Variants in TMEM131L observed in about 807,000 individuals in gnomAD.
The protein encoded by TMEM131L is transmembrane 131 like, also known as transmembrane protein 131-like.
Under a neutral mutation model 192.2 loss-of-function variants are expected in TMEM131L, and 54 were observed. The observed-to-expected ratio is 0.28, with a 90% CI of 0.23 to 0.35. The LOEUF is 0.35. Ranked by LOEUF, TMEM131L falls within the 10% of genes least tolerant of loss-of-function variation. TMEM131L has a pLI of 1.00. For synonymous variants in TMEM131L, 701 were observed against 704.9 expected (o/e 0.99, Z 0.09); for missense variants, 1,888 against 1,972.9 (o/e 0.96, Z 0.82).
At chr4:153,578,933 C>A (rs1288207131) in intron 7 of TMEM131L, among the ~76,000 whole-genome samples, 1 of 152,096 alleles carries the variant, frequency 6.6e-6, no homozygotes, top group East Asian at 1.9e-4. Context: ...GCTGGGATTA[C>A]AGGCATGAGC....
intron 7 of TMEM131L, among the ~76,000 whole-genome samples, chr4:153,574,936 A>G (rs1365625582): frequency 6.6e-6 from 1 of 152,190 alleles, no homozygotes; most frequent in South Asian, 2.1e-4. Context: ...CAAAATTGTG[A>G]AAGGGGAGAA....
chr4:153,521,154 A>G lies in TMEM131L; in HGVS notation c.240-28919A>G, dbSNP rs561457662. On this transcript the variant is annotated intron_variant, in intron 3 of 34. Transcript: ENST00000409959. ...TTGTTTCTGCATGTGTAGAATGGGG[A>G]TGATACTGACTCTTCTAGGCTTGTG... Among the ~76,000 whole-genome samples the G allele has an allele frequency of 2.0e-5, 3 of 152,102 alleles. No homozygotes were observed. The East Asian group carries it at 5.8e-4, about 29-fold the overall frequency.
At chr4:153,484,821 A>T (rs899506044) in intron 3 of TMEM131L, among the ~76,000 whole-genome samples, 1 of 137,476 alleles carries the variant, frequency 7.3e-6, no homozygotes, top group African/African-American at 2.7e-5. Flanking sequence ...TTTGGAAATT[A>T]AAAAAAAAAA....
chr4:153,621,601 A>G, intron 27 of TMEM131L, 82 bp from the exon 28 acceptor site: 2 of 1,419,520 alleles, frequency 1.4e-6, no homozygotes, highest in Non-Finnish European at 2.0e-6. Context: ...TTTCACCTCT[A>G]ATAAGTGTCA....
rs531620464 is a variant in TMEM131L at position 153,504,266 on chromosome 4, C to CTT, written c.239+30408_239+30409dup. Among the ~76,000 whole-genome samples, 30 of 42,632 alleles carry CTT rather than the reference C, an allele frequency of 7.0e-4. 5 individuals carry two copies. The highest frequency in any genetic ancestry group is 9.2e-4 in the Non-Finnish European group (20 of 21,812). The allele number at this position is 42,632 out of a possible 152,430, so 28.0% of individuals were successfully genotyped here. A position where few individuals can be genotyped will look rare whatever the true frequency, so the allele number is the denominator to read the frequency against. On this transcript the variant is annotated intron_variant, in intron 3 of 34. Coordinates refer to ENST00000409959, the MANE Select transcript of TMEM131L (RefSeq NM_001131007.2). Reference sequence around the variant, plus strand: ...ACGGGCGTGAGCCACCGCGGTCGGCCTTTTTTTTTTTTTTTTTTTTTTTTT... The same window carrying CTT: ...ACGGGCGTGAGCCACCGCGGTCGGCCTTTTTTTTTTTTTTTTTTTTTTTTTTT...
chr4:153,499,924 A>G (rs1460522550), intron 3 of TMEM131L, among the ~76,000 whole-genome samples: 3 of 151,854 alleles, frequency 2.0e-5, no homozygotes, highest in Non-Finnish European at 4.4e-5. Flanking sequence ...CAGTTATCAC[A>G]TCTCTTCTCT....
chr4:153,558,317 T>C lies in TMEM131L; in HGVS notation c.609T>C (p.Asn203=), dbSNP rs1302170509. ...AAGGGTCTGCAAAGCAGCTACCAAA[T>C]GCTTATTTTCTGCTTCCAAAGGTCC... ...STEGSAKQLP[N]AYFLLPKVQS... is the part of the protein sequence containing the mutation. Residue 203 remains asparagine (N), a synonymous_variant, in exon 7 of 35, where the codon AAT becomes AAC. Transcript: ENST00000409959. 4 of 1,609,334 alleles carry C rather than the reference T, an allele frequency of 2.5e-6. No homozygotes were observed. In the South Asian group the frequency reaches 3.3e-5, roughly 13 times the overall value.
intron 25 of TMEM131L, among the ~76,000 whole-genome samples, chr4:153,610,917 T>C (rs1732567804): frequency 6.6e-6 from 1 of 152,166 alleles, no homozygotes; most frequent in Non-Finnish European, 1.5e-5. Flanking sequence ...AAAGGTATTG[T>C]TAGGGATTCT....
At chr4:153,468,570 TA>T (rs1276040298) in intron 2 of TMEM131L, among the ~76,000 whole-genome samples, 1 of 152,212 alleles carries the variant, frequency 6.6e-6, no homozygotes, top group Admixed American at 6.5e-5. Context: ...GTATTTATTT[TA>T]AAAAAATTAT....
chr4:153,584,772 T>G, intron 11 of TMEM131L, 63 bp from the exon 12 acceptor site: 1 of 1,119,786 alleles, frequency 8.9e-7, no homozygotes, highest in Non-Finnish European at 1.3e-6. Context: ...CATATATCTT[T>G]TGTTCAGGCT....
intron 31 of TMEM131L, 97 bp from the exon 32 acceptor site, chr4:153,632,621 T>G: frequency 2.2e-6 from 3 of 1,390,422 alleles, no homozygotes; most frequent in Non-Finnish European, 2.0e-6. Context: ...GTGGGTGACA[T>G]TAGGGAGTGT....
chr4:153,609,321 C>T (rs576975839), intron 25 of TMEM131L, among the ~76,000 whole-genome samples: 2 of 152,212 alleles, frequency 1.3e-5, no homozygotes, highest in South Asian at 4.1e-4. Context: ...CACTTTTAAA[C>T]AACTAAATCT....
intron 3 of TMEM131L, among the ~76,000 whole-genome samples, chr4:153,519,343 T>C (rs940241170): frequency 7.2e-5 from 11 of 152,230 alleles, no homozygotes; most frequent in Non-Finnish European, 1.5e-4. Context: ...GCATAGTAGT[T>C]GTTTTTGAAG....
chr4:153,562,250 C>T (rs1324239674), intron 7 of TMEM131L, among the ~76,000 whole-genome samples: 1 of 152,070 alleles, frequency 6.6e-6, no homozygotes, highest in African/African-American at 2.4e-5. Context: ...GTTGATCAGG[C>T]TGGTCTCAAA....
intron 3 of TMEM131L, among the ~76,000 whole-genome samples, chr4:153,510,023 C>A (rs1203739303): frequency 6.6e-6 from 1 of 152,160 alleles, no homozygotes; most frequent in Non-Finnish European, 1.5e-5. Flanking sequence ...TTTAAAAGCC[C>A]ATCTGATCGA....
At chr4:153,552,908 T>C (rs1737732013) in intron 4 of TMEM131L, among the ~76,000 whole-genome samples, 1 of 151,658 alleles carries the variant, frequency 6.6e-6, no homozygotes, top group African/African-American at 2.4e-5. Context: ...TAAATAGTTA[T>C]ACTGTATCTC....
intron 7 of TMEM131L, among the ~76,000 whole-genome samples, chr4:153,572,691 A>G (rs1399967585): frequency 3.3e-5 from 5 of 152,090 alleles, no homozygotes; most frequent in Non-Finnish European, 7.4e-5. Flanking sequence ...CTTTCCCTAT[A>G]TATATGGGGT....
intron 3 of TMEM131L, among the ~76,000 whole-genome samples, chr4:153,484,193 C>T (rs1455110325): frequency 1.3e-5 from 2 of 152,024 alleles, no homozygotes; most frequent in Admixed American, 6.6e-5. Flanking sequence ...TGAAATATGA[C>T]CCTGAAGTAA....
chr4:153,601,103 G>A (rs1731808371), intron 21 of TMEM131L, among the ~76,000 whole-genome samples: 4 of 121,956 alleles, frequency 3.3e-5, no homozygotes. Context: ...GAACAAGACT[G>A]TCTCAAAAAA....
Sources: allele counts gnomAD v4.1 joint callset (sites outside exome capture counted in the v4.1 genomes callset), GRCh38; gene constraint gnomAD v4.1.1; transcripts MANE v1.5; gene names NCBI Gene and HGNC (gene_info 2026-07-23, HGNC 2026-07-21).